The following PRKG2 variants were observed in gnomAD, a reference collection of about 807,000 sequenced individuals.
PRKG2 encodes cGMP-dependent protein kinase 2.
In PRKG2, 33 loss-of-function variants were observed where a neutral mutation model predicts 97.2. The observed-to-expected ratio is 0.34, with a 90% confidence interval of 0.26 to 0.45. The LOEUF (loss-of-function observed/expected upper bound fraction) is 0.45, where lower values mean the gene tolerates loss of function less well. Among genes scored for constraint, PRKG2 ranks in the 20% least tolerant of loss-of-function variants. PRKG2 has a pLI of 1.00. For synonymous variants in PRKG2, 330 were observed against 321.8 expected (o/e 1.03, Z -0.27); for missense variants, 638 against 900.0 (o/e 0.71, Z 3.73).
chr4:81,198,737 AGGCAAGTC>A (rs552812796), intron 2 of PRKG2, among the ~76,000 whole-genome samples: 1 of 152,350 alleles, frequency 6.6e-6, no homozygotes, highest in South Asian at 2.1e-4. Flanking sequence ...ATGCCTCATT[AGGCAAGTC>A]TGAGGCCTTC....
intron 1 of PRKG2, among the ~76,000 whole-genome samples, chr4:81,214,680 C>A (rs1754184129): frequency 6.6e-6 from 1 of 152,168 alleles, no homozygotes; most frequent in Non-Finnish European, 1.5e-5. Flanking sequence ...GAGCCCCTCC[C>A]GCCCTCAACA....
intron 9 of PRKG2, among the ~76,000 whole-genome samples, chr4:81,146,301 T>C (rs1560577600): frequency 6.6e-6 from 1 of 152,200 alleles, no homozygotes; most frequent in Admixed American, 6.5e-5. Context: ...TTTAAACAGC[T>C]ACAAAATTGT....
At chr4:81,132,500 A>G (rs1396949804) in intron 14 of PRKG2, among the ~76,000 whole-genome samples, 1 of 152,304 alleles carries the variant, frequency 6.6e-6, no homozygotes, top group Non-Finnish European at 1.5e-5. Context: ...ACCATGAGGT[A>G]CAATTTTAAC....
At chr4:81,101,934 A>G (rs961448793) in intron 17 of PRKG2, among the ~76,000 whole-genome samples, 2 of 152,136 alleles carry the variant, frequency 1.3e-5, no homozygotes, top group Non-Finnish European at 2.9e-5. Context: ...AAGGTTTTTA[A>G]ACACTCCCAT....
chr4:81,191,676 G>A (rs575134332), intron 2 of PRKG2, among the ~76,000 whole-genome samples: 28 of 152,226 alleles, frequency 1.8e-4, no homozygotes, highest in African/African-American at 5.5e-4. Context: ...TATGACAACA[G>A]TTGTACTACA....
chr4:81,191,680 T>C (rs1189149036), intron 2 of PRKG2, among the ~76,000 whole-genome samples: 2 of 152,148 alleles, frequency 1.3e-5, no homozygotes, highest in Non-Finnish European at 2.9e-5. Flanking sequence ...ACAACAGTTG[T>C]ACTACAGAGC....
At position 81,204,778 on chromosome 4, in the gene PRKG2, T is replaced by A. The variant is rs1301732117; in HGVS notation, c.270A>T (p.Gly90=). The A allele has an allele frequency of 3.1e-6, 5 of 1,614,056 alleles. No individual in the cohort carries two copies. In the African/African-American group the frequency reaches 6.7e-5, roughly 22 times the overall value. The change falls in exon 2 of 19, where the codon GGA becomes GGT. Residue 90 remains glycine, a synonymous_variant. Coordinates refer to ENST00000264399, the MANE Select transcript of PRKG2 (RefSeq NM_006259.3). ...NKLQDVVHMQ[G]GSPLQASPDK... The stretch of plus-strand genomic sequence containing the variant: ...CTGGAGAGGCCTGAAGCGGGCTTCC[T>A]CCCTGCATATGCACCACATCCTGCA...
chr4:81,167,095 G>T (rs1750050790), intron 6 of PRKG2, 66 bp downstream of exon 6: 2 of 1,084,886 alleles, frequency 1.8e-6, no homozygotes, highest in Non-Finnish European at 2.7e-6. Flanking sequence ...TATTTATGGT[G>T]TTAATAATAT....
At chr4:81,189,066 T>TTAAAAAAAAAAAAAA (rs1560615683) in intron 2 of PRKG2, among the ~76,000 whole-genome samples, 2 of 17,062 alleles carry the variant, frequency 1.2e-4, no homozygotes, top group Non-Finnish European at 1.5e-4. Flanking sequence ...AAAAAAATAA[T>TTAAAAAAAAAAAAAA]AAAAAAAAAA....
At chr4:81,193,164 A>T (rs1752691590) in intron 2 of PRKG2, 1 of 152,074 alleles carries the variant, frequency 6.6e-6, no homozygotes, top group Non-Finnish European at 1.5e-5. Flanking sequence ...ATTTTTTGTG[A>T]GCATAAGAGG....
chr4:81,089,556 C>T lies in PRKG2; in HGVS notation c.*152G>A. ...ACACTATAACTCAGAACCATATCCA[C>T]ACCATTCTCCTCTTCCCATTGTGCA... On this transcript the variant is annotated 3_prime_UTR_variant, in exon 19 of 19. Transcript: ENST00000264399. 1 of 573,138 alleles carries T rather than the reference C, an allele frequency of 1.7e-6. No homozygotes were observed. The highest frequency in any genetic ancestry group is 2.7e-5 in the South Asian group (1 of 37,302). The allele number at this position is 573,138 out of a possible 1,614,324, so 35.5% of individuals were successfully genotyped here. A position where few individuals can be genotyped will look rare whatever the true frequency, so the allele number is the denominator to read the frequency against.
At chr4:81,164,690 G>T (rs1292753174) in intron 6 of PRKG2, among the ~76,000 whole-genome samples, 1 of 152,060 alleles carries the variant, frequency 6.6e-6, no homozygotes, top group Non-Finnish European at 1.5e-5. Context: ...GTGTGGGGTG[G>T]TGCCTGGGAA....
At chr4:81,185,523 A>G (rs965932392) in intron 2 of PRKG2, among the ~76,000 whole-genome samples, 1 of 152,242 alleles carries the variant, frequency 6.6e-6, no homozygotes, top group Admixed American at 6.5e-5. Context: ...CTGCAAAAAC[A>G]TACCAAATTG....
At chr4:81,152,139 G>A (rs2110058172) in intron 7 of PRKG2, 85 bp from the exon 8 acceptor site, 1 of 1,002,288 alleles carries the variant, frequency 1.0e-6, no homozygotes, top group South Asian at 1.5e-5. Context: ...AAACCCTCTA[G>A]ACCTATATAA....
At chr4:81,189,066 T>TTAA (rs1560615683) in intron 2 of PRKG2, among the ~76,000 whole-genome samples, 4 of 17,062 alleles carry the variant, frequency 2.3e-4, no homozygotes, top group Non-Finnish European at 3.1e-4. Flanking sequence ...AAAAAAATAA[T>TTAA]AAAAAAAAAA....
intron 2 of PRKG2, among the ~76,000 whole-genome samples, chr4:81,199,144 T>C (rs1159417525): frequency 1.3e-5 from 2 of 152,136 alleles, no homozygotes; most frequent in Non-Finnish European, 2.9e-5. Flanking sequence ...TAATTATCTA[T>C]GTAAAATCTA....
chr4:81,124,592 A>C (rs1295134729), intron 14 of PRKG2, among the ~76,000 whole-genome samples: 1 of 152,154 alleles, frequency 6.6e-6, no homozygotes, highest in Non-Finnish European at 1.5e-5. Flanking sequence ...TCCCAGGAAG[A>C]GGCCCACCTG....
At chr4:81,175,049 T>C (rs1024690586) in intron 2 of PRKG2, 90 bp from the exon 3 acceptor site, 17 of 1,252,950 alleles carry the variant, frequency 1.4e-5, no homozygotes, top group Non-Finnish European at 1.7e-5. Context: ...TCAATAATAT[T>C]ATCTACAAAC....
intron 17 of PRKG2, among the ~76,000 whole-genome samples, chr4:81,097,399 T>C (rs1380326103): frequency 1.3e-5 from 2 of 152,154 alleles, no homozygotes; most frequent in Non-Finnish European, 2.9e-5. Context: ...CATTCAGGCT[T>C]TGTTCAATTT....
Sources: gnomAD v4.1 joint callset for allele counts (sites outside exome capture counted in the v4.1 genomes callset) on GRCh38, gnomAD v4.1.1 for gene constraint, MANE v1.5 for transcripts, NCBI Gene and HGNC (gene_info 2026-07-23, HGNC 2026-07-21) for gene names.